NANS: variants seen among roughly 807,000 people sequenced by gnomAD.
NANS encodes N-acetylneuraminate synthase.
Under a neutral mutation model 33.3 loss-of-function variants are expected in NANS, and 29 were observed. The observed-to-expected ratio is 0.87, with a 90% CI of 0.65 to 1.19. NANS has a LOEUF of 1.19. Ranked by LOEUF, NANS falls within the 50% of genes most tolerant of loss-of-function variation. The pLI, the probability that NANS is intolerant of heterozygous loss-of-function variation, is 0.00. For missense variants in NANS, 394 were observed against 461.1 expected (o/e 0.85, Z 1.33); for synonymous variants, 163 against 177.2 (o/e 0.92, Z 0.64).
chr9:98,061,272 T>C, intron 2 of NANS: 2 of 385,324 alleles, frequency 5.2e-6, no homozygotes, highest in South Asian at 6.0e-5. Context: ...AGGTCAGGAG[T>C]TCGAGACCAG....
chr9:98,057,920 T>TG (rs1828874564), intron 1 of NANS, among the ~76,000 whole-genome samples: 1 of 110,612 alleles, frequency 9.0e-6, no homozygotes, highest in South Asian at 3.0e-4. Context: ...TTTTTTTTCC[T>TG]GGTTTTTTTT....
At chr9:98,071,699 A>C (rs373912514) in intron 2 of NANS, among the ~76,000 whole-genome samples, 305 of 152,006 alleles carry the variant, frequency 2.0e-3, no homozygotes, top group African/African-American at 6.9e-3. Context: ...CCACCATTTC[A>C]TTTTCCGTGT....
Position 98,058,156 on chromosome 9 carries a change from A to G in NANS, c.132+1216A>G, listed in dbSNP as rs569044046. ...GGTCTCGAACTCCTGAGCTCAAGCA[A>G]TCTGCCCACCTTGGCCTCCGAAAGT... On this transcript the variant is annotated intron_variant, in intron 1 of 5. Transcript: ENST00000210444. 3.9e-5 allele frequency among the ~76,000 whole-genome samples: 6 copies of G among 152,106 alleles called. No individual in the cohort carries two copies. The East Asian group carries it at 1.2e-3, about 29-fold the overall frequency.
At chr9:98,081,154 G>A in intron 5 of NANS, 72 bp downstream of exon 5, 1 of 1,582,138 alleles carries the variant, frequency 6.3e-7, no homozygotes, top group Non-Finnish European at 8.6e-7. Context: ...TGAGAGGGAT[G>A]GTCAGGACCA....
Position 98,064,123 on chromosome 9 carries a change from G to A in NANS, c.348+3126G>A, listed in dbSNP as rs1341643077. On this transcript the variant is annotated intron_variant, in intron 2 of 5. Transcript: ENST00000210444. ...GGGTGGTTTAAAAAAGGAGGAAGGT[G>A]GAGAACCTAGGCCTCTAGAGAACTT... is the stretch of plus-strand genomic sequence containing the variant. Among the ~76,000 whole-genome samples the A allele has an allele frequency of 3.3e-5, 5 of 152,184 alleles. No homozygotes were observed. In the South Asian group the frequency reaches 6.2e-4, roughly 19 times the overall value.
chr9:98,068,156 A>C (rs958776956), intron 2 of NANS, among the ~76,000 whole-genome samples: 1 of 151,978 alleles, frequency 6.6e-6, no homozygotes, highest in Non-Finnish European at 1.5e-5. Context: ...TATTTTTGAG[A>C]TAGGGTTACA....
chr9:98,058,747 G>A (rs1828894276), intron 1 of NANS, among the ~76,000 whole-genome samples: 1 of 152,178 alleles, frequency 6.6e-6, no homozygotes, highest in Non-Finnish European at 1.5e-5. Flanking sequence ...GCCACATAGC[G>A]AGACCCTGTC....
Position 98,056,739 on chromosome 9 carries a change from A to G in NANS, c.-70A>G, listed in dbSNP as rs950326119. ...GGTCTCGCAGCGTTGCTCACAGAAC[A>G]GAGTAGAGGCGGCGGCGGCGGCGGC... On this transcript the variant is annotated 5_prime_UTR_variant, in exon 1 of 6. Coordinates refer to ENST00000210444, the MANE Select transcript of NANS (RefSeq NM_018946.4). The G allele has an allele frequency of 9.9e-5, 154 of 1,560,384 alleles. No homozygotes were observed. Among genetic ancestry groups the G allele is most frequent in the Non-Finnish European group, 1.3e-4 (149 of 1,157,680 alleles).
chr9:98,067,028 G>A (rs932557530), intron 2 of NANS, among the ~76,000 whole-genome samples: 1 of 152,154 alleles, frequency 6.6e-6, no homozygotes, highest in Non-Finnish European at 1.5e-5. Flanking sequence ...GGTCCTTCGA[G>A]CCTGACTTCT....
intron 2 of NANS, among the ~76,000 whole-genome samples, chr9:98,061,957 C>T (rs1244013036): frequency 6.6e-6 from 1 of 151,712 alleles, no homozygotes; most frequent in Non-Finnish European, 1.5e-5. Context: ...TGTGGTGGCT[C>T]ACACCTGTAA....
Position 98,078,363 on chromosome 9 carries a change from G to A in NANS, c.603+16G>A. Reference sequence around the variant, plus strand: ...GGTCATCTCGGTGAGCAGGAGGGAGGGGGTTCCCTTCTTGGGCCATTTACT... The same window carrying A: ...GGTCATCTCGGTGAGCAGGAGGGAGAGGGTTCCCTTCTTGGGCCATTTACT... On this transcript the variant is annotated intron_variant, in intron 4 of 5. Coordinates refer to ENST00000210444, the MANE Select transcript of NANS (RefSeq NM_018946.4). The A allele has an allele frequency of 6.2e-7, 1 of 1,610,824 alleles. No individual in the cohort carries two copies. The highest frequency in any genetic ancestry group is 8.5e-7 in the Non-Finnish European group (1 of 1,178,198).
rs202230898 is a variant in NANS at position 98,081,095 on chromosome 9, G to A, written c.870+13G>A. 52 of 1,613,764 alleles carry A rather than the reference G, an allele frequency of 3.2e-5. No individual in the cohort carries two copies. Among genetic ancestry groups the A allele is most frequent in the Admixed American group, 8.3e-5 (5 of 59,986 alleles). On this transcript the variant is annotated intron_variant, in intron 5 of 5. Transcript: ENST00000210444. ...CTGCAATGAGAAGGTGTGTCCTGCC[G>A]GACTCTACTCGGTTCTGCTGCCGTG... is the stretch of plus-strand genomic sequence containing the variant.
At chr9:98,058,384 T>G (rs1354088138) in intron 1 of NANS, among the ~76,000 whole-genome samples, 2 of 152,208 alleles carry the variant, frequency 1.3e-5, no homozygotes, top group Non-Finnish European at 2.9e-5. Context: ...CCCAATGCCA[T>G]GATGCTGCCG....
chr9:98,072,843 T>C (rs1829404105), intron 2 of NANS, among the ~76,000 whole-genome samples: 1 of 152,182 alleles, frequency 6.6e-6, no homozygotes, highest in African/African-American at 2.4e-5. Context: ...CCTAACTTCC[T>C]TATAGAAACA....
At chr9:98,081,878 A>C (rs1025384979) in intron 5 of NANS, 1 of 152,204 alleles carries the variant, frequency 6.6e-6, no homozygotes, top group Non-Finnish European at 1.5e-5. Context: ...AATAAAGTAA[A>C]AAGAAATAGT....
chr9:98,073,427 GAC>G (rs1829439474), intron 2 of NANS, among the ~76,000 whole-genome samples: 1 of 151,676 alleles, frequency 6.6e-6, no homozygotes, highest in Admixed American at 6.6e-5. Context: ...TGGGATTACA[GAC>G]ACACACCAAC....
intron 1 of NANS, 88 bp downstream of exon 1, chr9:98,057,028 G>T (rs1247047901): frequency 7.0e-7 from 1 of 1,432,018 alleles, no homozygotes. Context: ...CGGCCTCCGC[G>T]GCTGGGTACC....
intron 1 of NANS, among the ~76,000 whole-genome samples, chr9:98,059,864 A>G (rs1055171543): frequency 2.6e-5 from 4 of 152,084 alleles, no homozygotes; most frequent in African/African-American, 9.7e-5. Flanking sequence ...AGAAAATGTC[A>G]TGGAGAAAAG....
At chr9:98,073,253 C>CCAGCTCAT in intron 2 of NANS, among the ~76,000 whole-genome samples, 1 of 150,360 alleles carries the variant, frequency 6.7e-6, no homozygotes, top group Non-Finnish European at 1.5e-5. Context: ...CCTGTTCTCC[C>CCAGCTCAT]CAGCTCATCA....
Sources: allele counts gnomAD v4.1 joint callset (sites outside exome capture counted in the v4.1 genomes callset), GRCh38; gene constraint gnomAD v4.1.1; transcripts MANE v1.5; gene names NCBI Gene and HGNC (gene_info 2026-07-23, HGNC 2026-07-21).